PRTG: variants seen among roughly 807,000 people sequenced by gnomAD.
PRTG encodes protogenin.
In PRTG, 67 loss-of-function variants were observed where a neutral mutation model predicts 122.5. The ratio of observed to expected loss-of-function variants is 0.55; its 90% CI spans 0.45 to 0.67. The LOEUF (loss-of-function observed/expected upper bound fraction) is 0.67, where lower values mean the gene tolerates loss of function less well. Ranked by LOEUF, PRTG falls within the 30% of genes least tolerant of loss-of-function variation. The pLI is 0.00. For missense variants in PRTG, 1,435 were observed against 1,415.4 expected (o/e 1.01, Z -0.22); for synonymous variants, 554 against 501.1 (o/e 1.11, Z -1.41).
intron 11 of PRTG, among the ~76,000 whole-genome samples, chr15:55,646,863 A>C (rs1012453509): frequency 6.6e-5 from 10 of 152,290 alleles, no homozygotes; most frequent in African/African-American, 2.4e-4. Flanking sequence ...CTTTGGCCCA[A>C]AAATGAACAT....
chr15:55,654,746 G>A (rs1254407836), intron 11 of PRTG, among the ~76,000 whole-genome samples: 1 of 152,116 alleles, frequency 6.6e-6, no homozygotes, highest in Non-Finnish European at 1.5e-5. Context: ...GCCTATTCAT[G>A]ACAACCAAAC....
At chr15:55,643,718 C>G (rs2059305261) in intron 11 of PRTG, among the ~76,000 whole-genome samples, 1 of 152,096 alleles carries the variant, frequency 6.6e-6, no homozygotes. Context: ...GCCACTGCAG[C>G]AGGCCTTCAA....
intron 9 of PRTG, among the ~76,000 whole-genome samples, chr15:55,674,943 G>A (rs1416931157): frequency 6.6e-6 from 1 of 152,026 alleles, no homozygotes; most frequent in Admixed American, 6.6e-5. Flanking sequence ...TCTTAATATG[G>A]ATGAAATTTC....
intron 11 of PRTG, among the ~76,000 whole-genome samples, chr15:55,664,255 C>T (rs893645145): frequency 2.0e-5 from 3 of 152,086 alleles, no homozygotes; most frequent in African/African-American, 7.2e-5. Context: ...GATTCTCCTG[C>T]CCCAGCCTTC....
chr15:55,680,882 C>T (rs1411593280), intron 4 of PRTG, among the ~76,000 whole-genome samples: 1 of 152,082 alleles, frequency 6.6e-6, no homozygotes, highest in East Asian at 1.9e-4. Flanking sequence ...ATCCCAAACC[C>T]ATTAGCAGTC....
At chr15:55,671,113 C>T (rs981883254) in intron 11 of PRTG, among the ~76,000 whole-genome samples, 1 of 152,188 alleles carries the variant, frequency 6.6e-6, no homozygotes, top group Admixed American at 6.5e-5. Flanking sequence ...GGATGAAGTT[C>T]TGTGTCCCTG....
intron 2 of PRTG, among the ~76,000 whole-genome samples, chr15:55,722,966 G>C (rs762628143): frequency 6.6e-6 from 1 of 152,174 alleles, no homozygotes; most frequent in East Asian, 1.9e-4. Flanking sequence ...GAGCCCACCA[G>C]CAAGATTAAC....
Position 55,680,064 on chromosome 15 carries a change from T to TA in PRTG, c.962dup (p.Leu321PhefsTer11). The TA allele has an allele frequency of 6.2e-7, 1 of 1,613,512 alleles. No individual in the cohort carries two copies. Among genetic ancestry groups the TA allele is most frequent in the Non-Finnish European group, 8.5e-7 (1 of 1,179,600 alleles). On this transcript the variant is annotated frameshift_variant, in exon 6 of 20. Coordinates refer to ENST00000389286, the MANE Select transcript of PRTG (RefSeq NM_173814.6). LOFTEE classifies it high-confidence loss of function. Reference sequence around the variant, plus strand: ...ATGAAAGGAACATACCTAATACAGTTAAAGTTGCCATAGCAACTGTAAAGT... The same window carrying TA: ...ATGAAAGGAACATACCTAATACAGTTAAAAGTTGCCATAGCAACTGTAAAGT...
At position 55,632,047 on chromosome 15, in the gene PRTG, A is replaced by AT. The variant is rs200659045; in HGVS notation, c.2624-3044dup. 6.0e-4 allele frequency among the ~76,000 whole-genome samples: 91 copies of AT among 152,054 alleles called. 2 individuals carry two copies. The East Asian group carries it at 0.016, about 26-fold the overall frequency. ...TCTCTTCTGTCCACATGCTTATGTG[A>AT]TTTTTTTTCCAGATCCACAGCCTTA... On this transcript the variant is annotated intron_variant, in intron 15 of 19. Coordinates refer to ENST00000389286, the MANE Select transcript of PRTG (RefSeq NM_173814.6).
intron 11 of PRTG, chr15:55,655,422 A>G (rs1307905985): frequency 1.3e-5 from 2 of 152,358 alleles, no homozygotes; most frequent in Non-Finnish European, 2.9e-5. Context: ...GATAAATAAA[A>G]CATTCAACAG....
Position 55,619,693 on chromosome 15 carries a change from C to G in PRTG, c.*319G>C. 3.8e-6 allele frequency: 1 copy of G among 264,866 alleles called. No individual in the cohort carries two copies. The highest frequency in any genetic ancestry group is 7.5e-5 in the South Asian group (1 of 13,404). 16.4% of individuals were successfully genotyped at this position (264,866 alleles called of 1,614,324 possible). ...ACATCTCGACCGTTCTTTCACATTG[C>G]TGACAATGAAACATTCAAATTACAC... On this transcript the variant is annotated 3_prime_UTR_variant, in exon 20 of 20. Transcript: ENST00000389286.
At chr15:55,712,751 T>C (rs1490733910) in intron 2 of PRTG, among the ~76,000 whole-genome samples, 1 of 152,232 alleles carries the variant, frequency 6.6e-6, no homozygotes, top group African/African-American at 2.4e-5. Context: ...GCAAATTCGT[T>C]ATTTTCAAGA....
intron 8 of PRTG, among the ~76,000 whole-genome samples, chr15:55,676,244 T>A (rs2059502225): frequency 6.6e-6 from 1 of 151,572 alleles, no homozygotes; most frequent in African/African-American, 2.4e-5. Context: ...TCACAGAATG[T>A]GCCTCAAAAT....
At chr15:55,723,566 C>CTATA (rs1682907978) in intron 2 of PRTG, among the ~76,000 whole-genome samples, 1 of 151,862 alleles carries the variant, frequency 6.6e-6, no homozygotes, top group South Asian at 2.1e-4. Context: ...AGAAATAAAT[C>CTATA]TATACACCTA....
At chr15:55,729,255 G>T (rs956255696) in intron 2 of PRTG, among the ~76,000 whole-genome samples, 17 of 152,176 alleles carry the variant, frequency 1.1e-4, no homozygotes, top group African/African-American at 4.1e-4. Context: ...CTAAGTGTAG[G>T]AAGACAATCA....
At chr15:55,724,341 A>G (rs1198478844) in intron 2 of PRTG, among the ~76,000 whole-genome samples, 2 of 152,072 alleles carry the variant, frequency 1.3e-5, no homozygotes, top group Non-Finnish European at 2.9e-5. Context: ...TTTCCTTCAT[A>G]TATTTTGGGA....
chr15:55,709,630 C>A (rs1003330935), intron 2 of PRTG, among the ~76,000 whole-genome samples: 1 of 151,938 alleles, frequency 6.6e-6, no homozygotes, highest in African/African-American at 2.4e-5. Context: ...TTGGAAACAG[C>A]CCTAATGTAA....
chr15:55,661,550 C>T (rs1351432210), intron 11 of PRTG, among the ~76,000 whole-genome samples: 2 of 152,150 alleles, frequency 1.3e-5, no homozygotes, highest in Non-Finnish European at 2.9e-5. Context: ...CTGTGCTATG[C>T]AGTTTCAGGG....
chr15:55,716,510 A>G (rs1401489810), intron 2 of PRTG, among the ~76,000 whole-genome samples: 1 of 152,164 alleles, frequency 6.6e-6, no homozygotes, highest in Admixed American at 6.5e-5. Flanking sequence ...TATCAAGAGG[A>G]TTTCAGCAGG....
Sources: gnomAD v4.1 joint callset for allele counts (sites outside exome capture counted in the v4.1 genomes callset) on GRCh38, gnomAD v4.1.1 for gene constraint, MANE v1.5 for transcripts, NCBI Gene and HGNC (gene_info 2026-07-23, HGNC 2026-07-21) for gene names.